Variants in CCDC152 observed in about 807,000 individuals in gnomAD.
CCDC152 encodes coiled-coil domain containing 152, also known as coiled-coil domain-containing protein 152.
In CCDC152, 37 loss-of-function variants were observed where a neutral mutation model predicts 38.1. That is an observed-to-expected ratio of 0.97 (90% CI 0.75 to 1.28). The LOEUF (loss-of-function observed/expected upper bound fraction) is 1.28, where lower values mean the gene tolerates loss of function less well. Among genes scored for constraint, CCDC152 ranks in the 50% most tolerant of loss-of-function variants. The probability of loss-of-function intolerance (pLI) is 0.00; values close to 1 mark genes in which losing one functional copy is unlikely to be tolerated. For synonymous variants in CCDC152, 83 were observed against 87.1 expected (o/e 0.95, Z 0.26); for missense variants, 259 against 292.1 (o/e 0.89, Z 0.83).
chr5:42,796,615 A>C (rs1056213493), intron 6 of CCDC152, among the ~76,000 whole-genome samples: 1 of 152,206 alleles, frequency 6.6e-6, no homozygotes, highest in Non-Finnish European at 1.5e-5. Context: ...TTATTCATTC[A>C]AAAATATTTG....
chr5:42,793,072 A>G (rs999406829), intron 6 of CCDC152, among the ~76,000 whole-genome samples: 1 of 152,226 alleles, frequency 6.6e-6, no homozygotes, highest in African/African-American at 2.4e-5. Flanking sequence ...TAAATAAACA[A>G]ATCATGGTAC....
At chr5:42,786,704 T>C (rs1759925405) in intron 6 of CCDC152, among the ~76,000 whole-genome samples, 1 of 152,092 alleles carries the variant, frequency 6.6e-6, no homozygotes, top group Non-Finnish European at 1.5e-5. Context: ...GAGTTTGGTT[T>C]GTTCTTGTTT....
chr5:42,779,086 G>A (rs1190944263), intron 4 of CCDC152, among the ~76,000 whole-genome samples: 1 of 152,030 alleles, frequency 6.6e-6, no homozygotes. Flanking sequence ...CTTAACATGG[G>A]GTAAGCCTAT....
intron 4 of CCDC152, among the ~76,000 whole-genome samples, chr5:42,777,245 T>TA (rs1429620471): frequency 6.6e-6 from 1 of 151,784 alleles, no homozygotes; most frequent in Non-Finnish European, 1.5e-5. Context: ...TCATGTTCAT[T>TA]AAGAGGATAA....
intron 3 of CCDC152, among the ~76,000 whole-genome samples, chr5:42,764,089 A>G (rs961883005): frequency 1.3e-5 from 2 of 152,176 alleles, no homozygotes; most frequent in African/African-American, 2.4e-5. Context: ...CATTTGTTAC[A>G]GCAGATGTGC....
At position 42,801,016 on chromosome 5, in the gene CCDC152, G is replaced by T; in HGVS notation, c.*1235G>T. The T allele has an allele frequency of 6.2e-7, 1 of 1,614,156 alleles. No homozygotes were observed. The highest frequency in any genetic ancestry group is 8.5e-7 in the Non-Finnish European group (1 of 1,179,994). On this transcript the variant is annotated 3_prime_UTR_variant, in exon 9 of 9. Coordinates refer to ENST00000361970, the MANE Select transcript of CCDC152 (RefSeq NM_001134848.2). ...TCTGTGGGCAATTTACAGAGTAATTGATTTATACATCTCTTTCGACAGAGC... is the reference window on the plus strand; with the variant it reads ...TCTGTGGGCAATTTACAGAGTAATTTATTTATACATCTCTTTCGACAGAGC...
Position 42,801,173 on chromosome 5 carries a change from T to G in CCDC152, c.*1392T>G. The G allele has an allele frequency of 6.2e-7, 1 of 1,614,178 alleles. No individual in the cohort carries two copies. The highest frequency in any genetic ancestry group is 8.5e-7 in the Non-Finnish European group (1 of 1,180,038). ...GAGCAGGATGAGTAGGAGCATTTGGTGCTCCTGGTTGCTGATTCTCTGAAA... is the reference window on the plus strand; with the variant it reads ...GAGCAGGATGAGTAGGAGCATTTGGGGCTCCTGGTTGCTGATTCTCTGAAA... On this transcript the variant is annotated 3_prime_UTR_variant, in exon 9 of 9. Transcript: ENST00000361970.
intron 2 of CCDC152, among the ~76,000 whole-genome samples, chr5:42,762,238 C>T (rs1385077222): frequency 6.6e-6 from 1 of 152,142 alleles, no homozygotes; most frequent in East Asian, 1.9e-4. Context: ...AGGGCAGCTC[C>T]ATTATAATCT....
In CCDC152 at chr5:42,800,926, A is replaced by G. The variant is rs28919925; in HGVS notation, c.*1145A>G. 93 of 1,614,194 alleles carry G rather than the reference A, an allele frequency of 5.8e-5. 1 individual carries two copies. In the African/African-American group the frequency reaches 1.2e-3, roughly 20 times the overall value. ...TCTTTACACTGTCAGGTGATTGCAG[A>G]CCCTGTTTTTTCAAATATCAGATGT... On this transcript the variant is annotated 3_prime_UTR_variant, in exon 9 of 9. Coordinates refer to ENST00000361970, the MANE Select transcript of CCDC152 (RefSeq NM_001134848.2).
chr5:42,758,819 T>TA (rs1759513011), intron 1 of CCDC152, among the ~76,000 whole-genome samples: 1 of 152,234 alleles, frequency 6.6e-6, no homozygotes, highest in Non-Finnish European at 1.5e-5. Flanking sequence ...TTAACATCTT[T>TA]AATTAAGAAT....
chr5:42,783,445 T>A lies in CCDC152; in HGVS notation c.328-29T>A, dbSNP rs889772360. On this transcript the variant is annotated intron_variant, in intron 5 of 8. Coordinates refer to ENST00000361970, the MANE Select transcript of CCDC152 (RefSeq NM_001134848.2). ...AAGTTATATACACATATTTAAATTT[T>A]AAAAATTAATATATATTTTAATCTT... 7 of 981,062 alleles carry A rather than the reference T, an allele frequency of 7.1e-6. No individual in the cohort carries two copies. The African/African-American group carries it at 8.7e-5, about 12-fold the overall frequency. The allele number at this position is 981,062 out of a possible 1,614,324, so 60.8% of individuals were successfully genotyped here. A position where few individuals can be genotyped will look rare whatever the true frequency, so the allele number is the denominator to read the frequency against.
intron 2 of CCDC152, among the ~76,000 whole-genome samples, chr5:42,761,846 C>G (rs995601897): frequency 1.3e-5 from 2 of 152,130 alleles, no homozygotes; most frequent in African/African-American, 4.8e-5. Context: ...CATATTTTTA[C>G]TTTTCATTTA....
chr5:42,792,998 G>C (rs1409706963), intron 6 of CCDC152, among the ~76,000 whole-genome samples: 2 of 152,158 alleles, frequency 1.3e-5, no homozygotes, highest in Non-Finnish European at 2.9e-5. Flanking sequence ...AGACCTGTTT[G>C]TGAATGTTTA....
rs190380038 is a variant in CCDC152 at position 42,759,239 on chromosome 5, A to G, written c.87+31A>G. 3.7e-3 allele frequency: 4,934 copies of G among 1,345,706 alleles called. 333 individuals carry two copies. The Admixed American group carries it at 0.1, about 28-fold the overall frequency. The allele number at this position is 1,345,706 out of a possible 1,614,324, so 83.4% of individuals were successfully genotyped here. ...TAAAGATAGAAAACAATTCTACTAT[A>G]TAGGGATACATGGAACAGATTTTGC... On this transcript the variant is annotated intron_variant, in intron 2 of 8. Coordinates refer to ENST00000361970, the MANE Select transcript of CCDC152 (RefSeq NM_001134848.2).
At chr5:42,764,267 G>A (rs961552957) in intron 3 of CCDC152, among the ~76,000 whole-genome samples, 2 of 151,966 alleles carry the variant, frequency 1.3e-5, no homozygotes, top group East Asian at 1.9e-4. Context: ...AAAATTAGCC[G>A]GGCATGGTGG....
intron 6 of CCDC152, among the ~76,000 whole-genome samples, chr5:42,795,677 T>C (rs1235780775): frequency 6.6e-6 from 1 of 152,226 alleles, no homozygotes; most frequent in East Asian, 1.9e-4. Context: ...GAGTAGGATC[T>C]ACAAATTTAT....
chr5:42,768,146 G>T (rs750172227), intron 3 of CCDC152, among the ~76,000 whole-genome samples: 36 of 152,118 alleles, frequency 2.4e-4, no homozygotes, highest in Non-Finnish European at 3.5e-4. Flanking sequence ...GAGACTGAGT[G>T]CAGAATCTCT....
intron 7 of CCDC152, 127 bp downstream of exon 7, chr5:42,797,083 T>C (rs1760086101): frequency 6.1e-6 from 4 of 658,406 alleles, no homozygotes; most frequent in Non-Finnish European, 9.9e-6. Context: ...GCTTCACACA[T>C]GCTCATTCTC....
At position 42,801,003 on chromosome 5, in the gene CCDC152, T is replaced by G. The variant is rs1368691480; in HGVS notation, c.*1222T>G. ...AGCCAACTCTGAATCTGTGGGCAAT[T>G]TACAGAGTAATTGATTTATACATCT... On this transcript the variant is annotated 3_prime_UTR_variant, in exon 9 of 9. Coordinates refer to ENST00000361970, the MANE Select transcript of CCDC152 (RefSeq NM_001134848.2). 1 of 1,614,194 alleles carries G rather than the reference T, an allele frequency of 6.2e-7. No individual in the cohort carries two copies.
Sources: gnomAD v4.1 joint callset for allele counts (sites outside exome capture counted in the v4.1 genomes callset) on GRCh38, gnomAD v4.1.1 for gene constraint, MANE v1.5 for transcripts, NCBI Gene and HGNC (gene_info 2026-07-23, HGNC 2026-07-21) for gene names.